Variants in CNTN4 observed in about 807,000 individuals in gnomAD.
CNTN4 encodes the protein contactin-4.
A neutral mutation model predicts 122.5 loss-of-function variants in CNTN4; 77 were observed. The ratio of observed to expected loss-of-function variants is 0.63; its 90% CI spans 0.52 to 0.76. CNTN4 has a LOEUF of 0.76. CNTN4 is among the 30% of genes least tolerant of loss of function. The pLI, the probability that CNTN4 is intolerant of heterozygous loss-of-function variation, is 0.00. For synonymous variants in CNTN4, 512 were observed against 447.0 expected (o/e 1.15, Z -1.83); for missense variants, 1,256 against 1,259.1 (o/e 1.00, Z 0.04).
chr3:2,538,924 T>C (rs565107785), intron 3 of CNTN4, among the ~76,000 whole-genome samples: 1 of 152,022 alleles, frequency 6.6e-6, no homozygotes, highest in Admixed American at 6.6e-5. Context: ...GCTTTTATAG[T>C]ACCTTTATGG....
chr3:2,399,199 G>C (rs569806914), intron 3 of CNTN4, among the ~76,000 whole-genome samples: 2 of 152,172 alleles, frequency 1.3e-5, no homozygotes, highest in South Asian at 2.1e-4. Flanking sequence ...GTCCCTTTCT[G>C]TTCTGGTTTG....
chr3:2,310,587 C>A (rs1401753535), intron 2 of CNTN4, among the ~76,000 whole-genome samples: 1 of 152,092 alleles, frequency 6.6e-6, no homozygotes, highest in African/African-American at 2.4e-5. Context: ...TTTATGCCAT[C>A]ATCTGCAGGT....
chr3:2,165,673 G>A (rs1156314030), intron 2 of CNTN4, among the ~76,000 whole-genome samples: 7 of 151,998 alleles, frequency 4.6e-5, no homozygotes, highest in Non-Finnish European at 8.8e-5. Flanking sequence ...TGTGCCCTTT[G>A]ACCAAAACCT....
chr3:3,042,524 G>A (rs1442428127), intron 21 of CNTN4, 102 bp downstream of exon 21: 12 of 792,516 alleles, frequency 1.5e-5, no homozygotes, highest in Non-Finnish European at 2.4e-5. Context: ...TTCCCACTAA[G>A]AGGCATTGGT....
intron 3 of CNTN4, among the ~76,000 whole-genome samples, chr3:2,427,773 A>G (rs112489300): frequency 0.018 from 2,745 of 152,038 alleles, 136 homozygotes; most frequent in African/African-American, 0.055. Context: ...GGGTGCACAT[A>G]TATTTAGGAT....
intron 2 of CNTN4, among the ~76,000 whole-genome samples, chr3:2,156,065 T>C (rs568299916): frequency 5.9e-5 from 9 of 152,128 alleles, no homozygotes; most frequent in Non-Finnish European, 1.3e-4. Context: ...TTATATGAGG[T>C]TTTCCCCTGA....
chr3:2,169,990 A>C (rs1201160451), intron 2 of CNTN4, among the ~76,000 whole-genome samples: 1 of 152,006 alleles, frequency 6.6e-6, no homozygotes, highest in African/African-American at 2.4e-5. Flanking sequence ...AGATAAGATA[A>C]ATGAAACTAG....
chr3:2,808,772 TG>T (rs2092533109), intron 6 of CNTN4, among the ~76,000 whole-genome samples: 2 of 149,408 alleles, frequency 1.3e-5, no homozygotes. Context: ...CACTTAAGGA[TG>T]GGGATGCGGG....
At chr3:2,859,538 G>GTTTT (rs34103613) in intron 7 of CNTN4, among the ~76,000 whole-genome samples, 7 of 146,282 alleles carry the variant, frequency 4.8e-5, no homozygotes, top group African/African-American at 1.8e-4. Context: ...TGCTTTCCTG[G>GTTTT]TTTTTTTTTT....
At chr3:2,170,038 GA>G (rs1411508500) in intron 2 of CNTN4, among the ~76,000 whole-genome samples, 1 of 151,356 alleles carries the variant, frequency 6.6e-6, no homozygotes, top group Non-Finnish European at 1.5e-5. Context: ...AAAAGTAAGG[GA>G]GGCCGGGCGC....
At chr3:2,541,199 G>T (rs755791662) in intron 3 of CNTN4, among the ~76,000 whole-genome samples, 2 of 152,068 alleles carry the variant, frequency 1.3e-5, no homozygotes, top group Non-Finnish European at 2.9e-5. Context: ...TTCACATTAG[G>T]TGTTGCACTT....
chr3:2,671,552 G>A (rs979500987), intron 4 of CNTN4, among the ~76,000 whole-genome samples: 6 of 152,086 alleles, frequency 3.9e-5, no homozygotes, highest in African/African-American at 1.4e-4. Context: ...CCTTTAGCTT[G>A]AAGAAGTTTG....
intron 2 of CNTN4, among the ~76,000 whole-genome samples, chr3:2,222,423 C>T (rs887320069): frequency 3.3e-5 from 5 of 151,916 alleles, no homozygotes; most frequent in Admixed American, 2.6e-4. Flanking sequence ...CCAAAGAAAA[C>T]ATGGGAGTAA....
intron 13 of CNTN4, among the ~76,000 whole-genome samples, chr3:2,961,119 A>T (rs1189256100): frequency 7.2e-6 from 1 of 139,792 alleles, no homozygotes; most frequent in Non-Finnish European, 1.6e-5. Context: ...AGTCCCAGCT[A>T]CTCGGGAGGC....
intron 6 of CNTN4, among the ~76,000 whole-genome samples, chr3:2,762,245 G>A (rs559717587): frequency 6.6e-5 from 10 of 152,188 alleles, no homozygotes; most frequent in Non-Finnish European, 1.3e-4. Flanking sequence ...AGGAATACAC[G>A]TGCAGGTTTG....
chr3:2,483,739 G>A (rs1408762449), intron 3 of CNTN4, among the ~76,000 whole-genome samples: 1 of 152,144 alleles, frequency 6.6e-6, no homozygotes, highest in African/African-American at 2.4e-5. Context: ...CTGTGAAGAG[G>A]TGCCTTCTAC....
In CNTN4 at chr3:2,872,125, C is replaced by T. The variant is rs575490569; in HGVS notation, c.652+5176C>T. On this transcript the variant is annotated intron_variant, in intron 8 of 24. Coordinates refer to ENST00000418658, the MANE Select transcript of CNTN4 (RefSeq NM_175607.3). ...CCTGCTCTGTTATATGCTTCCTGCACAGATCTCAAAGAGTTATCCCTAAAT... is the reference window on the plus strand; with the variant it reads ...CCTGCTCTGTTATATGCTTCCTGCATAGATCTCAAAGAGTTATCCCTAAAT... Among the ~76,000 whole-genome samples the T allele has an allele frequency of 4.6e-4, 11 of 23,736 alleles. No individual in the cohort carries two copies. In the South Asian group the frequency reaches 9.1e-3, roughly 20 times the overall value. 15.6% of individuals were successfully genotyped at this position (23,736 alleles called of 152,430 possible).
At chr3:2,935,260 A>G (rs1007348729) in intron 13 of CNTN4, among the ~76,000 whole-genome samples, 54 of 152,342 alleles carry the variant, frequency 3.5e-4, no homozygotes, top group African/African-American at 1.3e-3. Flanking sequence ...ATGTGGTTAT[A>G]TAACTCAAGA....
intron 2 of CNTN4, among the ~76,000 whole-genome samples, chr3:2,274,370 G>A (rs919838700): frequency 6.9e-6 from 1 of 144,934 alleles, no homozygotes; most frequent in Non-Finnish European, 1.5e-5. Flanking sequence ...ACGACAGAGA[G>A]AGACTCCATC....
Sources: allele counts gnomAD v4.1 joint callset (sites outside exome capture counted in the v4.1 genomes callset), GRCh38; gene constraint gnomAD v4.1.1; transcripts MANE v1.5; gene names NCBI Gene and HGNC (gene_info 2026-07-23, HGNC 2026-07-21).